Variants in MTSS1 observed in about 807,000 individuals in gnomAD.
MTSS1 encodes protein MTSS 1.
A neutral mutation model predicts 79.0 loss-of-function variants in MTSS1; 18 were observed. That is an observed-to-expected ratio of 0.23 (90% CI 0.16 to 0.34). The LOEUF is 0.34. Among genes scored for constraint, MTSS1 ranks in the 10% least tolerant of loss-of-function variants. The pLI is 1.00. For synonymous variants in MTSS1, 341 were observed against 368.6 expected, an observed-to-expected ratio of 0.93 and a Z score of 0.86; for missense variants, 815 against 986.2, an observed-to-expected ratio of 0.83 and a Z score of 2.33.
At chr8:124,673,431 G>C (rs918054891) in intron 3 of MTSS1, 1 of 151,894 alleles carries the variant, frequency 6.6e-6, no homozygotes, top group Non-Finnish European at 1.5e-5. Context: ...CCTGCACGTG[G>C]AGTAAAAGCT....
chr8:124,630,967 T>C (rs1181947970), intron 3 of MTSS1, among the ~76,000 whole-genome samples: 2 of 152,154 alleles, frequency 1.3e-5, no homozygotes, highest in Non-Finnish European at 2.9e-5. Context: ...TGTTCCTAAA[T>C]ACACATGTAT....
chr8:124,609,979 G>A (rs1322555122), intron 3 of MTSS1, among the ~76,000 whole-genome samples: 1 of 152,150 alleles, frequency 6.6e-6, no homozygotes, highest in Non-Finnish European at 1.5e-5. Context: ...AAACAACAGG[G>A]ACAGGAGATC....
chr8:124,634,243 G>A (rs1816575046), intron 3 of MTSS1, among the ~76,000 whole-genome samples: 1 of 151,672 alleles, frequency 6.6e-6, no homozygotes, highest in Non-Finnish European at 1.5e-5. Flanking sequence ...GCAAGTAGCT[G>A]GGACTACAGG....
intron 3 of MTSS1, among the ~76,000 whole-genome samples, chr8:124,666,197 C>G (rs972558428): frequency 2.0e-5 from 3 of 152,190 alleles, no homozygotes; most frequent in African/African-American, 7.2e-5. Context: ...CCTAGCACAG[C>G]CCCAGGACAA....
chr8:124,553,648 C>T lies in MTSS1; in HGVS notation c.1612G>A (p.Asp538Asn). Residue 538 changes from aspartate to asparagine, a missense_variant, in exon 14 of 14, where the codon GAT becomes AAT. Coordinates refer to ENST00000518547, the MANE Select transcript of MTSS1 (RefSeq NM_014751.6). This position sits in a 1 kb window ranked among gnomAD's most constrained non-coding sequence, Gnocchi z 6.0. ...YFSVSGDQEA[D>N]QQEFDKSSTI... ...GAGGACTTGTCGAACTCCTGCTGAT[C>T]TGCCTCCTGGTCACCACTTACAGAG... is the stretch of plus-strand genomic sequence containing the variant. 6.2e-7 allele frequency: 1 copy of T among 1,613,982 alleles called. No individual in the cohort carries two copies. The highest frequency in any genetic ancestry group is 1.1e-5 in the South Asian group (1 of 91,046).
At position 124,727,505 on chromosome 8, in the gene MTSS1, C is replaced by T. The variant is rs980689613; in HGVS notation, c.72+379G>A. The T allele has an allele frequency of 6.5e-6, 3 of 463,802 alleles. No individual in the cohort carries two copies. The highest frequency in any genetic ancestry group is 6.7e-5 in the East Asian group (1 of 14,856). The allele number at this position is 463,802 out of a possible 1,614,324, so 28.7% of individuals were successfully genotyped here. On this transcript the variant is annotated intron_variant, in intron 1 of 13. Coordinates refer to ENST00000518547, the MANE Select transcript of MTSS1 (RefSeq NM_014751.6). This position sits in a 1 kb window ranked among gnomAD's most constrained non-coding sequence, Gnocchi z 4.7. ...GCGCCAGGCGCCCCCACCCCGTGCCCGGAGGAATCAGGTGTCCTCCCGGGC... is the reference window on the plus strand; with the variant it reads ...GCGCCAGGCGCCCCCACCCCGTGCCTGGAGGAATCAGGTGTCCTCCCGGGC...
intron 1 of MTSS1, among the ~76,000 whole-genome samples, chr8:124,707,866 A>AC (rs1830622067): frequency 6.6e-6 from 1 of 152,054 alleles, no homozygotes. Flanking sequence ...ACAGAGCAAG[A>AC]CCCTGTCTCA....
chr8:124,590,831 G>A (rs115992173), intron 4 of MTSS1, among the ~76,000 whole-genome samples: 2,701 of 152,242 alleles, frequency 0.018, 87 homozygotes, highest in African/African-American at 0.062. Context: ...CCCTCTTCTT[G>A]CGAGGCTCCC....
chr8:124,714,376 G>A (rs967356940), intron 1 of MTSS1, among the ~76,000 whole-genome samples: 2 of 152,184 alleles, frequency 1.3e-5, no homozygotes, highest in African/African-American at 4.8e-5. Flanking sequence ...GTCAGGGAAG[G>A]GCTTGCCCTC....
Position 124,551,043 on chromosome 8 carries a change from C to T in MTSS1, c.*1949G>A, listed in dbSNP as rs1822441825. 1.3e-5 allele frequency: 2 copies of T among 152,638 alleles called. No individual in the cohort carries two copies. Among genetic ancestry groups the T allele is most frequent in the South Asian group, 2.1e-4 (1 of 4,838 alleles). The allele number at this position is 152,638 out of a possible 1,614,324, so 9.5% of individuals were successfully genotyped here. A position where few individuals can be genotyped will look rare whatever the true frequency, so the allele number is the denominator to read the frequency against. On this transcript the variant is annotated 3_prime_UTR_variant, in exon 14 of 14. Transcript: ENST00000518547. Reference sequence around the variant, plus strand: ...ACTACCCAAGGTGTGTTGTCACATTCTTTCTACATTGAATTTGGCAACATT... The same window carrying T: ...ACTACCCAAGGTGTGTTGTCACATTTTTTCTACATTGAATTTGGCAACATT...
At position 124,557,818 on chromosome 8, in the gene MTSS1, C is replaced by T. The variant is rs1185350088; in HGVS notation, c.1093G>A (p.Gly365Ser). 10 of 1,604,360 alleles carry T rather than the reference C, an allele frequency of 6.2e-6. No individual in the cohort carries two copies. The African/African-American group carries it at 1.2e-4, about 19-fold the overall frequency. ...LSSESHVGPT[G>S]AGLFPHCLPA... ...AGGCAATGAGGGAAAAGGCCTGCACCCGTGGGCCCCACGTGGGACTCACTT... is the reference window on the plus strand; with the variant it reads ...AGGCAATGAGGGAAAAGGCCTGCACTCGTGGGCCCCACGTGGGACTCACTT... Residue 365 changes from glycine (G) to serine (S), a missense_variant, in exon 11 of 14, where the codon GGT (glycine) becomes AGT (serine). Transcript: ENST00000518547.
chr8:124,646,392 A>G (rs1488624913), intron 3 of MTSS1, among the ~76,000 whole-genome samples: 3 of 152,196 alleles, frequency 2.0e-5, no homozygotes, highest in East Asian at 1.9e-4. Context: ...CCATTCATTC[A>G]TTTAAAAAAT....
rs147757864 is a variant in MTSS1 at position 124,575,830 on chromosome 8, C to T, written c.461-7294G>A. Among the ~76,000 whole-genome samples, 700 of 152,312 alleles carry T rather than the reference C, an allele frequency of 4.6e-3. 8 individuals carry two copies. Among genetic ancestry groups the T allele is most frequent in the Middle Eastern group, 0.017 (5 of 294 alleles). On this transcript the variant is annotated intron_variant, in intron 6 of 13. Coordinates refer to ENST00000518547, the MANE Select transcript of MTSS1 (RefSeq NM_014751.6). The stretch of plus-strand genomic sequence containing the variant: ...ATCCAGAGTGTCTCCAACAGAGCAT[C>T]CTCACGGCTCCAAAATGCTTCTTCC...
chr8:124,566,961 G>A lies in MTSS1; in HGVS notation c.726+110C>T. 3 of 785,794 alleles carry A rather than the reference G, an allele frequency of 3.8e-6. No individual in the cohort carries two copies. In the South Asian group the frequency reaches 4.9e-5, roughly 13 times the overall value. The allele number at this position is 785,794 out of a possible 1,614,324, so 48.7% of individuals were successfully genotyped here. A position where few individuals can be genotyped will look rare whatever the true frequency, so the allele number is the denominator to read the frequency against. On this transcript the variant is annotated intron_variant, in intron 8 of 13. Transcript: ENST00000518547. ...TCATATATTACATCATGAAGGACGT[G>A]GTGAATATGACTACAATTTAAGACG...
intron 6 of MTSS1, among the ~76,000 whole-genome samples, chr8:124,570,092 A>G (rs1827414759): frequency 6.6e-6 from 1 of 152,232 alleles, no homozygotes. Flanking sequence ...TTTAATTTGG[A>G]GCAAGAGGCA....
chr8:124,664,926 G>A (rs1356908041), intron 3 of MTSS1, among the ~76,000 whole-genome samples: 2 of 151,932 alleles, frequency 1.3e-5, no homozygotes, highest in Non-Finnish European at 2.9e-5. Context: ...CTTTCCCCCC[G>A]ACATGTTAAC....
intron 3 of MTSS1, among the ~76,000 whole-genome samples, chr8:124,602,482 G>A (rs989029772): frequency 5.9e-5 from 9 of 152,038 alleles, no homozygotes; most frequent in Non-Finnish European, 1.0e-4. Context: ...TTACAGATGT[G>A]AGCCACCATG....
intron 6 of MTSS1, among the ~76,000 whole-genome samples, chr8:124,570,133 G>A (rs991117429): frequency 6.6e-6 from 1 of 152,168 alleles, no homozygotes; most frequent in Non-Finnish European, 1.5e-5. Flanking sequence ...CAATAGAAAA[G>A]GTAGTCAGAT....
chr8:124,704,507 T>C (rs528386644), intron 1 of MTSS1, among the ~76,000 whole-genome samples: 1 of 152,328 alleles, frequency 6.6e-6, no homozygotes, highest in African/African-American at 2.4e-5. Context: ...AGCTCCACCC[T>C]GAACCACTTG....
Sources: gnomAD v4.1 joint callset for allele counts (sites outside exome capture counted in the v4.1 genomes callset) on GRCh38, gnomAD v4.1.1 for gene constraint, Gnocchi (gnomAD v3.1) non-coding constraint, MANE v1.5 for transcripts, NCBI Gene and HGNC (gene_info 2026-07-23, HGNC 2026-07-21) for gene names.